Variants in MROH9 observed in about 807,000 individuals in gnomAD.
MROH9 encodes the protein maestro heat-like repeat-containing protein family member 9.
MROH9 carries 92 observed loss-of-function variants against 98.2 expected under a neutral mutation model. That is an observed-to-expected ratio of 0.94 (90% CI 0.79 to 1.11). MROH9 has a LOEUF of 1.11. MROH9 is among the 50% of genes most tolerant of loss of function. The probability of loss-of-function intolerance (pLI) is 0.00; values close to 1 mark genes in which losing one functional copy is unlikely to be tolerated. For synonymous variants in MROH9, 397 were observed against 368.9 expected (o/e 1.08, Z -0.87); for missense variants, 1,057 against 1,014.8 (o/e 1.04, Z -0.57).
chr1:170,940,531 C>T (rs1649083329), intron 1 of MROH9, among the ~76,000 whole-genome samples: 1 of 152,140 alleles, frequency 6.6e-6, no homozygotes, highest in South Asian at 2.1e-4. Context: ...GCTTCATGTA[C>T]ACCTTACGGA....
intron 8 of MROH9, 131 bp from the exon 9 acceptor site, chr1:170,983,291 G>A (rs1651003286): frequency 3.2e-6 from 2 of 616,022 alleles, no homozygotes; most frequent in Non-Finnish European, 2.8e-6. Context: ...TAAACTATGA[G>A]CAGAGAGTTA....
intron 20 of MROH9, among the ~76,000 whole-genome samples, chr1:171,048,636 GC>G (rs1354204007): frequency 6.6e-6 from 1 of 152,086 alleles, no homozygotes; most frequent in African/African-American, 2.4e-5. Context: ...TTGATGCTCT[GC>G]CCCCTGTAAC....
intron 8 of MROH9, among the ~76,000 whole-genome samples, chr1:170,976,219 T>G (rs1258243911): frequency 6.6e-6 from 1 of 152,186 alleles, no homozygotes; most frequent in African/African-American, 2.4e-5. Context: ...GCAGACTTGT[T>G]CGTGTGATTG....
At chr1:170,996,873 T>A (rs1651600196) in intron 14 of MROH9, among the ~76,000 whole-genome samples, 1 of 152,100 alleles carries the variant, frequency 6.6e-6, no homozygotes, top group East Asian at 1.9e-4. Context: ...GATGCCCAAT[T>A]ATCCTCCCTC....
chr1:171,014,459 A>G (rs890642776), intron 16 of MROH9, among the ~76,000 whole-genome samples: 1 of 146,656 alleles, frequency 6.8e-6, no homozygotes, highest in African/African-American at 2.7e-5. Flanking sequence ...TTATCGCCTT[A>G]CTTTTTTTTT....
At position 171,064,460 on chromosome 1, in the gene MROH9, G is replaced by A; in HGVS notation, c.*120G>A. The A allele has an allele frequency of 1.9e-6, 2 of 1,055,186 alleles. No homozygotes were observed. The highest frequency in any genetic ancestry group is 2.6e-6 in the Non-Finnish European group (2 of 765,470). 65.4% of individuals were successfully genotyped at this position (1,055,186 alleles called of 1,614,324 possible). ...TCCTGACAACTTGAGTCTGTTTGTA[G>A]ATGCTTTTCTGAAAAATTCTGGAAG... On this transcript the variant is annotated 3_prime_UTR_variant, in exon 22 of 22. Coordinates refer to ENST00000367759, the MANE Select transcript of MROH9 (RefSeq NM_001163629.2).
intron 3 of MROH9, among the ~76,000 whole-genome samples, chr1:170,953,181 A>C (rs911021778): frequency 6.6e-6 from 1 of 152,090 alleles, no homozygotes; most frequent in East Asian, 1.9e-4. Context: ...ATATTTAGTA[A>C]AGTTTTTTCT....
chr1:171,055,313 G>C (rs1421789088), intron 20 of MROH9, among the ~76,000 whole-genome samples: 3 of 152,088 alleles, frequency 2.0e-5, no homozygotes, highest in African/African-American at 4.8e-5. Flanking sequence ...AGGCTATGAG[G>C]ATGCAAAGGC....
At chr1:171,049,578 A>AC (rs1482630280) in intron 20 of MROH9, among the ~76,000 whole-genome samples, 3 of 149,114 alleles carry the variant, frequency 2.0e-5, no homozygotes, top group African/African-American at 5.0e-5. Context: ...ACCTTGCTCC[A>AC]CCCCCCATTT....
chr1:170,976,061 G>A (rs1285515028), intron 8 of MROH9, among the ~76,000 whole-genome samples: 2 of 152,092 alleles, frequency 1.3e-5, no homozygotes, highest in African/African-American at 4.8e-5. Flanking sequence ...TGTGAGATGG[G>A]TCTCTTGAAG....
intron 17 of MROH9, among the ~76,000 whole-genome samples, chr1:171,018,169 A>T (rs934185895): frequency 1.3e-5 from 2 of 152,150 alleles, no homozygotes; most frequent in Admixed American, 1.3e-4. Flanking sequence ...GTGCCCCTCG[A>T]GATCCCAGAG....
At chr1:171,020,544 C>A (rs1484207750) in intron 17 of MROH9, among the ~76,000 whole-genome samples, 4 of 152,086 alleles carry the variant, frequency 2.6e-5, no homozygotes, top group African/African-American at 9.7e-5. Context: ...GCCGAAAAGG[C>A]CTTCGATAAA....
chr1:170,959,446 T>A lies in MROH9; in HGVS notation c.153-16T>A. 1 of 1,580,436 alleles carries A rather than the reference T, an allele frequency of 6.3e-7. No homozygotes were observed. The highest frequency in any genetic ancestry group is 8.6e-7 in the Non-Finnish European group (1 of 1,167,408). ...TTGTTTTCTCATCATTAATAATTGC[T>A]CCTTTTTCTTGTCAGCTTTGTGGAT... On this transcript the variant is annotated splice_polypyrimidine_tract_variant and intron_variant, in intron 4 of 21. Coordinates refer to ENST00000367759, the MANE Select transcript of MROH9 (RefSeq NM_001163629.2).
At chr1:171,019,325 G>C (rs1226410206) in intron 17 of MROH9, among the ~76,000 whole-genome samples, 1 of 152,172 alleles carries the variant, frequency 6.6e-6, no homozygotes, top group Non-Finnish European at 1.5e-5. Context: ...GGTGTTGAGA[G>C]GGAAATTTAT....
intron 6 of MROH9, among the ~76,000 whole-genome samples, chr1:170,964,044 C>T (rs1362158081): frequency 6.6e-6 from 1 of 152,086 alleles, no homozygotes; most frequent in Admixed American, 6.6e-5. Context: ...CTCCATGACA[C>T]TATCAATAGC....
chr1:170,955,406 T>C (rs1649721364), intron 3 of MROH9, among the ~76,000 whole-genome samples: 3 of 152,184 alleles, frequency 2.0e-5, no homozygotes, highest in South Asian at 4.1e-4. Context: ...CTGTTTTCCA[T>C]AGCAGCTGTA....
At position 171,014,143 on chromosome 1, in the gene MROH9, T is replaced by C. The variant is rs1652251455; in HGVS notation, c.1623T>C (p.Pro541=). Residue 541 remains proline (P), a synonymous_variant, in exon 16 of 22, where the codon CCT becomes CCC. Coordinates refer to ENST00000367759, the MANE Select transcript of MROH9 (RefSeq NM_001163629.2). ...TTCTGAATAACTTCTTCAAGGACCC[T>C]TTACCAGAAGAATTTTTGGTCCTCT... is the stretch of plus-strand genomic sequence containing the variant. ...TELLNNFFKD[P]LPEEFLVLFI... 1 of 1,550,796 alleles carries C rather than the reference T, an allele frequency of 6.4e-7. No homozygotes were observed. The highest frequency in any genetic ancestry group is 1.4e-5 in the African/African-American group (1 of 73,034).
chr1:171,060,335 T>C (rs1653974063), intron 20 of MROH9, among the ~76,000 whole-genome samples: 1 of 152,148 alleles, frequency 6.6e-6, no homozygotes, highest in Admixed American at 6.6e-5. Flanking sequence ...GATTAAATAT[T>C]ATGATGATGT....
intron 14 of MROH9, among the ~76,000 whole-genome samples, chr1:170,997,085 G>A (rs1651611314): frequency 6.6e-6 from 1 of 152,058 alleles, no homozygotes. Context: ...TTCTTGTACT[G>A]GAAAGGGGGT....
Sources: gnomAD v4.1 joint callset for allele counts (sites outside exome capture counted in the v4.1 genomes callset) on GRCh38, gnomAD v4.1.1 for gene constraint, MANE v1.5 for transcripts, NCBI Gene and HGNC (gene_info 2026-07-23, HGNC 2026-07-21) for gene names.